Variants in OR1J2 observed in about 807,000 individuals in gnomAD.
OR1J2 encodes the protein olfactory receptor 1J2.
For missense variants in OR1J2, 304 were observed against 246.1 expected, an observed-to-expected ratio of 1.24 and a Z score of -1.57; for synonymous variants, 142 against 99.7, an observed-to-expected ratio of 1.42 and a Z score of -2.52.
chr9:122,464,624 C>T, the OR1J2 span, among the ~76,000 whole-genome samples: 1 of 152,216 alleles, frequency 6.6e-6, no homozygotes, highest in African/African-American at 2.4e-5. Flanking sequence ...ATTGGAAGTA[C>T]ACTTGAAGTG....
the OR1J2 span, among the ~76,000 whole-genome samples, chr9:122,530,703 A>G: frequency 6.6e-6 from 1 of 152,150 alleles, no homozygotes; most frequent in Non-Finnish European, 1.5e-5. Flanking sequence ...GTCCGAAAAG[A>G]GAGTCAGCGA....
chr9:122,520,099 T>A, the OR1J2 span: 2 of 1,573,962 alleles, frequency 1.3e-6, no homozygotes, highest in Non-Finnish European at 1.7e-6. Flanking sequence ...CTCTTCTTTA[T>A]AACAGACATA....
At chr9:122,461,937 G>A in the OR1J2 span, among the ~76,000 whole-genome samples, 2 of 152,124 alleles carry the variant, frequency 1.3e-5, no homozygotes, top group Non-Finnish European at 2.9e-5. Flanking sequence ...AAGTCCATTT[G>A]TTCTAGGGTA....
the OR1J2 span, among the ~76,000 whole-genome samples, chr9:122,494,625 C>T: frequency 1.1e-4 from 17 of 152,108 alleles, no homozygotes; most frequent in Non-Finnish European, 1.0e-4. Flanking sequence ...TTGGTGAGTT[C>T]TTATCCACTC....
At chr9:122,552,000 AT>A in the OR1J2 span, among the ~76,000 whole-genome samples, 657 of 148,236 alleles carry the variant, frequency 4.4e-3, 5 homozygotes, top group Middle Eastern at 0.025. Flanking sequence ...CTGATCCATA[AT>A]CTGACAGGTG....
chr9:122,507,549 T>C (rs1828543719), upstream of OR1J2, among the ~76,000 whole-genome samples: 1 of 152,098 alleles, frequency 6.6e-6, no homozygotes, highest in Admixed American at 6.6e-5. Flanking sequence ...TTCCCTTTTG[T>C]TTTCCCTCCC....
the OR1J2 span, among the ~76,000 whole-genome samples, chr9:122,494,381 C>T: frequency 1.3e-5 from 2 of 152,084 alleles, no homozygotes; most frequent in Non-Finnish European, 2.9e-5. Flanking sequence ...GGTACATATA[C>T]ATTTAAAATT....
At chr9:122,480,255 T>G in the OR1J2 span, among the ~76,000 whole-genome samples, 1 of 152,148 alleles carries the variant, frequency 6.6e-6, no homozygotes, top group Non-Finnish European at 1.5e-5. Flanking sequence ...ATAGACATGT[T>G]TATAATGAGG....
chr9:122,500,426 C>G, the OR1J2 span, among the ~76,000 whole-genome samples: 3 of 152,324 alleles, frequency 2.0e-5, no homozygotes, highest in South Asian at 4.1e-4. Context: ...TCTCTGGGAT[C>G]TGGGGTGTGC....
At chr9:122,496,261 G>T in the OR1J2 span, among the ~76,000 whole-genome samples, 1 of 152,110 alleles carries the variant, frequency 6.6e-6, no homozygotes, top group South Asian at 2.1e-4. Flanking sequence ...AAGCATTCAG[G>T]TTTCTCAGGT....
At chr9:122,568,096 A>G in the OR1J2 span, 1 of 1,614,090 alleles carries the variant, frequency 6.2e-7, no homozygotes. Context: ...AAAGGGTCAC[A>G]GACGGCCACA....
At chr9:122,479,168 C>T in the OR1J2 span, among the ~76,000 whole-genome samples, 26 of 152,190 alleles carry the variant, frequency 1.7e-4, no homozygotes, top group African/African-American at 3.9e-4. Flanking sequence ...GGGGACGCAG[C>T]GGTGAATTCC....
At chr9:122,461,539 C>T in the OR1J2 span, among the ~76,000 whole-genome samples, 1 of 151,902 alleles carries the variant, frequency 6.6e-6, no homozygotes. Flanking sequence ...TTTAGACTTT[C>T]TGATGTAGGC....
At chr9:122,464,468 G>A in the OR1J2 span, among the ~76,000 whole-genome samples, 1 of 152,174 alleles carries the variant, frequency 6.6e-6, no homozygotes, top group Non-Finnish European at 1.5e-5. Context: ...TCCCTCAAAG[G>A]GTCTGTGGAT....
chr9:122,552,942 T>C, the OR1J2 span, among the ~76,000 whole-genome samples: 2 of 152,252 alleles, frequency 1.3e-5, no homozygotes, highest in African/African-American at 2.4e-5. Flanking sequence ...GTCAAACAAA[T>C]CTCTTTTCTT....
the OR1J2 span, among the ~76,000 whole-genome samples, chr9:122,540,750 A>G: frequency 6.6e-6 from 1 of 152,242 alleles, no homozygotes; most frequent in East Asian, 1.9e-4. Context: ...ACCCATGAGC[A>G]TGGAAGGTTC....
the OR1J2 span, among the ~76,000 whole-genome samples, chr9:122,467,308 C>T: frequency 2.6e-5 from 4 of 152,198 alleles, no homozygotes; most frequent in Non-Finnish European, 4.4e-5. Flanking sequence ...CTCTCCAAGA[C>T]ACCCACACCT....
chr9:122,482,964 G>A, the OR1J2 span, among the ~76,000 whole-genome samples: 1 of 152,074 alleles, frequency 6.6e-6, no homozygotes, highest in African/African-American at 2.4e-5. Flanking sequence ...GGTAAATATT[G>A]TTAACAACAT....
chr9:122,501,366 T>G, the OR1J2 span, among the ~76,000 whole-genome samples: 1 of 152,142 alleles, frequency 6.6e-6, no homozygotes, highest in Admixed American at 6.6e-5. Context: ...TTGTGCTGAT[T>G]GCTCTTCTCC....
Sources: allele counts gnomAD v4.1 joint callset (sites outside exome capture counted in the v4.1 genomes callset), GRCh38; gene constraint gnomAD v4.1.1; transcripts MANE v1.5; gene names NCBI Gene and HGNC (gene_info 2026-07-23, HGNC 2026-07-21).